TM2D1: variants seen among roughly 807,000 people sequenced by gnomAD.
The protein encoded by TM2D1 is TM2 domain containing 1.
A neutral mutation model predicts 28.4 loss-of-function variants in TM2D1; 15 were observed. The observed-to-expected ratio is 0.53, with a 90% confidence interval of 0.35 to 0.81. The LOEUF (loss-of-function observed/expected upper bound fraction) is 0.81. Ranked by LOEUF, TM2D1 falls within the 40% of genes least tolerant of loss-of-function variation. The pLI is 0.01. For missense variants in TM2D1, 236 were observed against 254.9 expected (o/e 0.93, Z 0.50); for synonymous variants, 93 against 96.2 (o/e 0.97, Z 0.20).
At chr1:61,713,884 C>CTTTTTTT (rs372226143) in intron 2 of TM2D1, among the ~76,000 whole-genome samples, 3 of 106,238 alleles carry the variant, frequency 2.8e-5, no homozygotes, top group Admixed American at 1.2e-4. Flanking sequence ...CCAAATATTT[C>CTTTTTTT]TTTTTTTTTT....
intron 2 of TM2D1, among the ~76,000 whole-genome samples, chr1:61,710,795 A>G (rs776453168): frequency 6.6e-6 from 1 of 152,134 alleles, no homozygotes; most frequent in Admixed American, 6.6e-5. Flanking sequence ...ATCATTTATA[A>G]TTATCCTAAG....
At chr1:61,720,397 A>T (rs1205821244) in intron 2 of TM2D1, among the ~76,000 whole-genome samples, 2 of 152,044 alleles carry the variant, frequency 1.3e-5, no homozygotes, top group African/African-American at 4.8e-5. Context: ...ATGTGCCACT[A>T]CGCCTGGCTA....
At chr1:61,702,906 G>A (rs1644412717) in intron 3 of TM2D1, among the ~76,000 whole-genome samples, 1 of 151,488 alleles carries the variant, frequency 6.6e-6, no homozygotes, top group Non-Finnish European at 1.5e-5. Context: ...AGGAGTTTGA[G>A]ACCAGCCTGG....
At chr1:61,700,293 A>G in intron 4 of TM2D1, 1 of 1,460,484 alleles carries the variant, frequency 6.8e-7, no homozygotes, top group Non-Finnish European at 9.0e-7. Flanking sequence ...GAGGATTTAA[A>G]GAGGATGATA....
intron 2 of TM2D1, 30 bp from the exon 3 acceptor site, chr1:61,709,467 A>T (rs763007018): frequency 4.4e-6 from 6 of 1,360,732 alleles, no homozygotes; most frequent in South Asian, 3.9e-5. Context: ...AGAAACTGTT[A>T]TTTTTTTTTT....
chr1:61,714,674 T>C (rs1644504035), intron 2 of TM2D1, among the ~76,000 whole-genome samples: 1 of 152,116 alleles, frequency 6.6e-6, no homozygotes, highest in Non-Finnish European at 1.5e-5. Flanking sequence ...CCCGCCTCAG[T>C]CTCCCAAGTA....
At chr1:61,692,202 G>C (rs1644333256) in intron 5 of TM2D1, among the ~76,000 whole-genome samples, 1 of 151,414 alleles carries the variant, frequency 6.6e-6, no homozygotes, top group Non-Finnish European at 1.5e-5. Context: ...AAATTCCAAA[G>C]TTTAATAACA....
intron 2 of TM2D1, among the ~76,000 whole-genome samples, chr1:61,719,997 T>C (rs374392151): frequency 3.3e-5 from 5 of 152,224 alleles, no homozygotes; most frequent in Admixed American, 6.5e-5. Flanking sequence ...TTGATAATGT[T>C]GTTTCTTGAT....
chr1:61,706,484 C>T (rs937806798), intron 3 of TM2D1, among the ~76,000 whole-genome samples: 3 of 151,702 alleles, frequency 2.0e-5, no homozygotes, highest in African/African-American at 4.8e-5. Flanking sequence ...AGGTGTGAGC[C>T]ACCACGCCGA....
At chr1:61,721,362 C>G (rs913851046) in intron 2 of TM2D1, among the ~76,000 whole-genome samples, 7 of 151,834 alleles carry the variant, frequency 4.6e-5, no homozygotes, top group Admixed American at 4.6e-4. Context: ...GCCAATACGG[C>G]GAAACCCTGC....
chr1:61,715,840 C>T (rs1644513871), intron 2 of TM2D1, among the ~76,000 whole-genome samples: 3 of 150,712 alleles, frequency 2.0e-5, no homozygotes. Flanking sequence ...CTGGCTCTGT[C>T]ACCCAGGCTG....
chr1:61,684,867 C>A (rs374297091), intron 5 of TM2D1, among the ~76,000 whole-genome samples: 4 of 152,176 alleles, frequency 2.6e-5, no homozygotes, highest in Non-Finnish European at 5.9e-5. Flanking sequence ...CAACCTCCCC[C>A]CCGGGGCTCT....
intron 5 of TM2D1, among the ~76,000 whole-genome samples, chr1:61,693,654 C>T (rs1214345147): frequency 2.0e-5 from 3 of 152,140 alleles, no homozygotes; most frequent in East Asian, 1.9e-4. Context: ...TCTTATTGGT[C>T]CATATGCTGC....
Position 61,700,206 on chromosome 1 carries a change from T to C in TM2D1, c.439+728A>G, listed in dbSNP as rs866177849. The C allele has an allele frequency of 6.5e-6, 10 of 1,536,448 alleles. 1 individual carries two copies. Among genetic ancestry groups the C allele is most frequent in the South Asian group, 4.9e-5 (4 of 80,970 alleles). On this transcript the variant is annotated intron_variant, in intron 4 of 6. Transcript: ENST00000606498. Reference sequence around the variant, plus strand: ...AAAACAAAGATGATAACAACAAATATGTCACAGAATAAAGGAAAGCCTCTA... The same window carrying C: ...AAAACAAAGATGATAACAACAAATACGTCACAGAATAAAGGAAAGCCTCTA...
intron 5 of TM2D1, among the ~76,000 whole-genome samples, chr1:61,690,456 C>CAA (rs762550068): frequency 4.1e-3 from 243 of 59,998 alleles, no homozygotes; most frequent in East Asian, 9.0e-3. Context: ...GACTCAGTCT[C>CAA]AAAAAAAAAA....
At chr1:61,706,847 A>AAAGAAAGAAAGAAAGAAAGG (rs1644445336) in intron 3 of TM2D1, among the ~76,000 whole-genome samples, 1 of 151,352 alleles carries the variant, frequency 6.6e-6, no homozygotes, top group Admixed American at 6.6e-5. Context: ...AGAAAGAAAG[A>AAAGAAAGAAAGAAAGAAAGG]AAGAAAGAAA....
At chr1:61,694,410 GA>G in intron 5 of TM2D1, 1 of 231,692 alleles carries the variant, frequency 4.3e-6, no homozygotes, top group Non-Finnish European at 8.3e-6. Flanking sequence ...ATTCAGTAAA[GA>G]AACTTCTTTA....
At chr1:61,704,922 G>C (rs987323234) in intron 3 of TM2D1, among the ~76,000 whole-genome samples, 2 of 152,072 alleles carry the variant, frequency 1.3e-5, no homozygotes, top group Non-Finnish European at 2.9e-5. Context: ...AAGAGAGAGA[G>C]AAAGAAGGGA....
chr1:61,681,147 T>A lies in TM2D1; in HGVS notation c.*223A>T, dbSNP rs1644240898. ...TATCAGAGTAATAAGCTATCTCTCA[T>A]AGAGACAGAAGCCCGAGAAACACTA... On this transcript the variant is annotated 3_prime_UTR_variant, in exon 7 of 7. Coordinates refer to ENST00000606498, the MANE Select transcript of TM2D1 (RefSeq NM_032027.3). The A allele has an allele frequency of 6.5e-6, 1 of 153,674 alleles. No homozygotes were observed. The allele number at this position is 153,674 out of a possible 1,614,324, so 9.5% of individuals were successfully genotyped here. A position where few individuals can be genotyped will look rare whatever the true frequency, so the allele number is the denominator to read the frequency against.
Sources: allele counts gnomAD v4.1 joint callset (sites outside exome capture counted in the v4.1 genomes callset), GRCh38; gene constraint gnomAD v4.1.1; transcripts MANE v1.5; gene names NCBI Gene and HGNC (gene_info 2026-07-23, HGNC 2026-07-21).